Variants in TJP2 observed in about 807,000 individuals in gnomAD.
The protein encoded by TJP2 is Friedreich ataxia region gene X104 (tight junction protein ZO-2).
TJP2 carries 91 observed loss-of-function variants against 133.1 expected under a neutral mutation model. That is an observed-to-expected ratio of 0.68 (90% CI 0.58 to 0.81). TJP2 has a LOEUF of 0.81. Among genes scored for constraint, TJP2 ranks in the 40% least tolerant of loss-of-function variants. The pLI, the probability that TJP2 is intolerant of heterozygous loss-of-function variation, is 0.00. For missense variants in TJP2, 1,541 were observed against 1,565.6 expected (o/e 0.98, Z 0.26); for synonymous variants, 592 against 583.4 (o/e 1.01, Z -0.21).
chr9:69,131,893 T>C (rs1200353416), intron 1 of TJP2, among the ~76,000 whole-genome samples: 1 of 152,156 alleles, frequency 6.6e-6, no homozygotes, highest in Non-Finnish European at 1.5e-5. Context: ...GTTTCAATGA[T>C]TCACTAGGAG....
chr9:69,183,777 C>T (rs1177816489), intron 1 of TJP2, among the ~76,000 whole-genome samples: 4 of 152,164 alleles, frequency 2.6e-5, no homozygotes, highest in African/African-American at 4.8e-5. Context: ...CTCTGTCACC[C>T]AGGCTGGAGT....
intron 10 of TJP2, 131 bp from the exon 11 acceptor site, chr9:69,229,951 A>G (rs1466338707): frequency 8.1e-7 from 1 of 1,229,604 alleles, no homozygotes; most frequent in East Asian, 2.4e-5. Flanking sequence ...ATAGATGAGA[A>G]AAATGAGAGG....
intron 12 of TJP2, 23 bp from the exon 13 acceptor site, chr9:69,236,005 C>G (rs376955089): frequency 1.2e-6 from 2 of 1,612,218 alleles, no homozygotes; most frequent in African/African-American, 2.7e-5. Context: ...CTGAATGCAA[C>G]AAACGATGCT....
At chr9:69,233,326 T>A (rs1829928487) in intron 11 of TJP2, among the ~76,000 whole-genome samples, 1 of 152,228 alleles carries the variant, frequency 6.6e-6, no homozygotes, top group Admixed American at 6.5e-5. Context: ...CTCTTGTGAT[T>A]AAAAGGATTC....
chr9:69,221,852 A>G (rs907837983), intron 5 of TJP2, among the ~76,000 whole-genome samples: 19 of 141,754 alleles, frequency 1.3e-4, no homozygotes, highest in Non-Finnish European at 2.0e-4. Flanking sequence ...ACGCCTGGCC[A>G]GGAATAGCTA....
At chr9:69,148,581 GC>G (rs2133325918) in intron 1 of TJP2, among the ~76,000 whole-genome samples, 1 of 151,790 alleles carries the variant, frequency 6.6e-6, no homozygotes, top group Non-Finnish European at 1.5e-5. Flanking sequence ...TGTTGGCCGG[GC>G]TAGTCTCGAA....
At chr9:69,179,517 T>TA (rs989673484) in intron 1 of TJP2, among the ~76,000 whole-genome samples, 3 of 150,836 alleles carry the variant, frequency 2.0e-5, no homozygotes, top group African/African-American at 7.3e-5. Flanking sequence ...CTTTCTTTTT[T>TA]TTTTTTTTTG....
At chr9:69,223,358 A>ATCGTGCAGTGGTGCAGTGGCGAGATC (rs1381740965) in intron 5 of TJP2, among the ~76,000 whole-genome samples, 2 of 152,130 alleles carry the variant, frequency 1.3e-5, no homozygotes, top group Non-Finnish European at 2.9e-5. Context: ...CCCAGGGTGG[A>ATCGTGCAGTGGTGCAGTGGCGAGATC]GTGCAGTGGC....
At position 69,250,384 on chromosome 9, in the gene TJP2, G is replaced by C. The variant is rs185718384; in HGVS notation, c.2992-651G>C. 4.6e-5 allele frequency among the ~76,000 whole-genome samples: 7 copies of C among 152,320 alleles called. No individual in the cohort carries two copies. In the South Asian group the frequency reaches 1.5e-3, roughly 32 times the overall value. ...CTCCCACAGTGCTGGGATTACAGGCGTGAGCCACTGCGCCCAGCCTAACTC... is the reference window on the plus strand; with the variant it reads ...CTCCCACAGTGCTGGGATTACAGGCCTGAGCCACTGCGCCCAGCCTAACTC... On this transcript the variant is annotated intron_variant, in intron 20 of 22. Coordinates refer to ENST00000377245, the MANE Select transcript of TJP2 (RefSeq NM_004817.4).
intron 2 of TJP2, among the ~76,000 whole-genome samples, chr9:69,157,356 G>A (rs975072037): frequency 2.6e-5 from 4 of 152,042 alleles, no homozygotes; most frequent in East Asian, 1.9e-4. Flanking sequence ...GTAGTTTGCC[G>A]AAGCCACAGT....
At chr9:69,193,335 GATAA>G (rs1826333100) in intron 1 of TJP2, among the ~76,000 whole-genome samples, 1 of 151,940 alleles carries the variant, frequency 6.6e-6, no homozygotes, top group African/African-American at 2.4e-5. Context: ...CCACCTAGTG[GATAA>G]TACATCTGTT....
chr9:69,229,286 C>T, intron 10 of TJP2, 36 bp downstream of exon 10: 5 of 1,588,466 alleles, frequency 3.1e-6, no homozygotes, highest in Non-Finnish European at 2.6e-6. Context: ...TTCCCTTCTT[C>T]CTTACAGCTC....
intron 1 of TJP2, chr9:69,151,566 G>C: frequency 1.6e-6 from 2 of 1,222,330 alleles, no homozygotes; most frequent in Non-Finnish European, 2.0e-6. Flanking sequence ...AAATTGTATG[G>C]TATGTGGACT....
intron 1 of TJP2, among the ~76,000 whole-genome samples, chr9:69,143,819 G>A (rs1284181627): frequency 6.6e-6 from 1 of 152,088 alleles, no homozygotes; most frequent in African/African-American, 2.4e-5. Flanking sequence ...GTTATTTAAA[G>A]TCACCAAACT....
At chr9:69,165,490 G>A (rs1202865214) in intron 2 of TJP2, among the ~76,000 whole-genome samples, 1 of 152,046 alleles carries the variant, frequency 6.6e-6, no homozygotes, top group East Asian at 1.9e-4. Flanking sequence ...TTTCTCTGAA[G>A]CATAGTTTCT....
chr9:69,125,937 C>T (rs1180742220), intron 1 of TJP2, among the ~76,000 whole-genome samples: 1 of 76,754 alleles, frequency 1.3e-5, no homozygotes, highest in Admixed American at 1.9e-4. Context: ...TAGTTGTGTA[C>T]CCATTGTGAA....
chr9:69,185,962 G>C (rs2133032394), intron 1 of TJP2, among the ~76,000 whole-genome samples: 1 of 151,240 alleles, frequency 6.6e-6, no homozygotes, highest in East Asian at 1.9e-4. Flanking sequence ...TAGAGATGGG[G>C]TTTCACCGTG....
intron 1 of TJP2, among the ~76,000 whole-genome samples, chr9:69,186,612 C>T: frequency 6.6e-6 from 1 of 152,146 alleles, no homozygotes; most frequent in Non-Finnish European, 1.5e-5. Context: ...TGTTTGGAGA[C>T]TGGAAAATAG....
intron 17 of TJP2, 130 bp downstream of exon 17, chr9:69,240,277 A>G (rs935815561): frequency 2.1e-6 from 2 of 949,324 alleles, no homozygotes; most frequent in African/African-American, 3.3e-5. Flanking sequence ...AAAATAGTTA[A>G]TCCTATAAAA....
Sources: allele counts gnomAD v4.1 joint callset (sites outside exome capture counted in the v4.1 genomes callset), GRCh38; gene constraint gnomAD v4.1.1; transcripts MANE v1.5; gene names NCBI Gene and HGNC (gene_info 2026-07-23, HGNC 2026-07-21).